Variants in DSCAM observed in about 807,000 individuals in gnomAD.
DSCAM encodes the protein DS cell adhesion molecule, also known as cell adhesion molecule DSCAM.
In DSCAM, 47 loss-of-function variants were observed where a neutral mutation model predicts 217.7. The observed-to-expected ratio is 0.22, with a 90% CI of 0.17 to 0.28. The LOEUF is 0.28. Ranked by LOEUF, DSCAM falls within the 10% of genes least tolerant of loss-of-function variation. The pLI, the probability that DSCAM is intolerant of heterozygous loss-of-function variation, is 1.00. For missense variants in DSCAM, 2,080 were observed against 2,618.3 expected (o/e 0.79, Z 4.49); for synonymous variants, 1,056 against 1,015.3 (o/e 1.04, Z -0.76).
chr21:40,315,363 C>G (rs1475807954), intron 8 of DSCAM, among the ~76,000 whole-genome samples: 8 of 151,026 alleles, frequency 5.3e-5, no homozygotes. Context: ...AAGGTCATGT[C>G]ACTGCACTCC....
intron 3 of DSCAM, among the ~76,000 whole-genome samples, chr21:40,669,619 G>A (rs563095007): frequency 3.4e-5 from 5 of 145,352 alleles, no homozygotes; most frequent in South Asian, 4.3e-4. Context: ...ACAGAGTCTC[G>A]CTCTGTCAGA....
At chr21:40,672,677 A>G (rs1294480212) in intron 3 of DSCAM, among the ~76,000 whole-genome samples, 1 of 152,190 alleles carries the variant, frequency 6.6e-6, no homozygotes, top group Non-Finnish European at 1.5e-5. Context: ...TTTGCCTATT[A>G]TTAATGCTAT....
intron 6 of DSCAM, 111 bp from the exon 7 acceptor site, chr21:40,339,526 C>G (rs2074466165): frequency 8.8e-7 from 1 of 1,131,926 alleles, no homozygotes; most frequent in Admixed American, 2.8e-5. Flanking sequence ...TAAACATTAC[C>G]AAAAAGGTCT....
intron 22 of DSCAM, 60 bp downstream of exon 22, chr21:40,087,110 A>G: frequency 7.9e-7 from 1 of 1,261,692 alleles, no homozygotes; most frequent in Admixed American, 1.7e-5. Flanking sequence ...ACACAACCTG[A>G]GTATGTCAGA....
intron 3 of DSCAM, among the ~76,000 whole-genome samples, chr21:40,562,539 T>A (rs1014138642): frequency 6.6e-6 from 1 of 152,242 alleles, no homozygotes; most frequent in Non-Finnish European, 1.5e-5. Context: ...TACTGTGTAA[T>A]TTCTCCTCAC....
chr21:40,454,965 G>A (rs553696157), intron 3 of DSCAM, among the ~76,000 whole-genome samples: 2 of 152,346 alleles, frequency 1.3e-5, no homozygotes, highest in South Asian at 2.1e-4. Flanking sequence ...CTGGAGAGAA[G>A]TGAAGTGGAA....
At chr21:40,754,691 T>C (rs971436482) in intron 1 of DSCAM, among the ~76,000 whole-genome samples, 5 of 152,158 alleles carry the variant, frequency 3.3e-5, no homozygotes, top group Admixed American at 2.0e-4. Context: ...ACTGGGCAGC[T>C]GGAAGTGCTG....
At chr21:40,242,458 T>C (rs2073166495) in intron 11 of DSCAM, among the ~76,000 whole-genome samples, 1 of 152,150 alleles carries the variant, frequency 6.6e-6, no homozygotes, top group Admixed American at 6.5e-5. Flanking sequence ...GCCATATGTG[T>C]CTTCTGACCC....
chr21:40,487,415 G>A (rs893314407), intron 3 of DSCAM, among the ~76,000 whole-genome samples: 3 of 151,968 alleles, frequency 2.0e-5, no homozygotes, highest in Non-Finnish European at 4.4e-5. Context: ...CATTTCACCA[G>A]TGAAGCATAC....
chr21:40,170,005 C>T (rs996280834), intron 15 of DSCAM, among the ~76,000 whole-genome samples: 1 of 152,174 alleles, frequency 6.6e-6, no homozygotes, highest in Non-Finnish European at 1.5e-5. Flanking sequence ...AGGGACATGG[C>T]CCCAGAGCAC....
intron 11 of DSCAM, among the ~76,000 whole-genome samples, chr21:40,262,278 C>T (rs2073463589): frequency 2.0e-5 from 3 of 152,106 alleles, no homozygotes; most frequent in South Asian, 4.1e-4. Flanking sequence ...ATTTGAGAGG[C>T]AGGATATTTA....
At chr21:40,461,579 T>A (rs939061774) in intron 3 of DSCAM, among the ~76,000 whole-genome samples, 1 of 152,012 alleles carries the variant, frequency 6.6e-6, no homozygotes, top group African/African-American at 2.4e-5. Context: ...TAGAATAATG[T>A]CCCAATCCCC....
At chr21:40,102,924 G>A (rs759984816) in intron 20 of DSCAM, among the ~76,000 whole-genome samples, 4 of 152,012 alleles carry the variant, frequency 2.6e-5, no homozygotes, top group East Asian at 1.9e-4. Flanking sequence ...CAGGCTCCCC[G>A]ACCCATCCCT....
At chr21:40,704,037 CATTATT>C (rs554124363) in intron 2 of DSCAM, among the ~76,000 whole-genome samples, 6 of 152,210 alleles carry the variant, frequency 3.9e-5, no homozygotes, top group Admixed American at 1.3e-4. Context: ...CATATTTATA[CATTATT>C]ATTATTAACT....
At chr21:40,318,448 G>C (rs2074224780) in intron 8 of DSCAM, among the ~76,000 whole-genome samples, 1 of 152,024 alleles carries the variant, frequency 6.6e-6, no homozygotes, top group South Asian at 2.1e-4. Flanking sequence ...AGTCTTATTA[G>C]CCTAGGGGCC....
At chr21:40,146,576 A>AT (rs956407301) in intron 16 of DSCAM, among the ~76,000 whole-genome samples, 1 of 152,108 alleles carries the variant, frequency 6.6e-6, no homozygotes, top group Non-Finnish European at 1.5e-5. Flanking sequence ...CAGTAAAATC[A>AT]TTTTTGTTTT....
chr21:40,817,302 T>G (rs2091888550), intron 1 of DSCAM, among the ~76,000 whole-genome samples: 1 of 152,200 alleles, frequency 6.6e-6, no homozygotes, highest in African/African-American at 2.4e-5. Context: ...CAAGCTTAAG[T>G]GCAAATCAGA....
At chr21:40,188,627 T>C (rs1375085334) in intron 12 of DSCAM, among the ~76,000 whole-genome samples, 4 of 151,218 alleles carry the variant, frequency 2.6e-5, no homozygotes, top group Non-Finnish European at 5.9e-5. Context: ...GATTTTTTTT[T>C]TATTGTGGAT....
chr21:40,258,798 C>G (rs2073408843), intron 11 of DSCAM, among the ~76,000 whole-genome samples: 1 of 152,186 alleles, frequency 6.6e-6, no homozygotes, highest in Admixed American at 6.5e-5. Context: ...CTCTCTTTAC[C>G]TCTTTTAAAA....
Sources: allele counts gnomAD v4.1 joint callset (sites outside exome capture counted in the v4.1 genomes callset), GRCh38; gene constraint gnomAD v4.1.1; transcripts MANE v1.5; gene names NCBI Gene and HGNC (gene_info 2026-07-23, HGNC 2026-07-21).